The following CNTN4 variants were observed in gnomAD, a reference collection of about 807,000 sequenced individuals.
The protein encoded by CNTN4 is contactin-4.
A neutral mutation model predicts 122.5 loss-of-function variants in CNTN4; 77 were observed. The observed-to-expected ratio is 0.63, with a 90% CI of 0.52 to 0.76. CNTN4 has a LOEUF of 0.76. Among genes scored for constraint, CNTN4 ranks in the 30% least tolerant of loss-of-function variants. The pLI is 0.00. For missense variants in CNTN4, 1,256 were observed against 1,259.1 expected, an observed-to-expected ratio of 1.00 and a Z score of 0.04; for synonymous variants, 512 against 447.0, an observed-to-expected ratio of 1.15 and a Z score of -1.83.
At chr3:2,618,883 G>A (rs2081883898) in intron 4 of CNTN4, among the ~76,000 whole-genome samples, 2 of 152,156 alleles carry the variant, frequency 1.3e-5, no homozygotes, top group Non-Finnish European at 2.9e-5. Flanking sequence ...GGAAGGAGTG[G>A]TAAGTTTGGA....
At chr3:2,678,937 T>G (rs115184013) in intron 4 of CNTN4, among the ~76,000 whole-genome samples, 1,899 of 152,136 alleles carry the variant, frequency 0.012, 49 homozygotes, top group African/African-American at 0.043. Flanking sequence ...ACAGCTGTCA[T>G]TTTAGCTACA....
intron 2 of CNTN4, chr3:2,144,324 C>G (rs1017546496): frequency 1.3e-5 from 2 of 152,168 alleles, no homozygotes; most frequent in Admixed American, 6.5e-5. Flanking sequence ...GTCAGTAAAA[C>G]AAGCGTTTCT....
intron 3 of CNTN4, among the ~76,000 whole-genome samples, chr3:2,361,875 T>C (rs1009721454): frequency 6.6e-6 from 1 of 152,174 alleles, no homozygotes; most frequent in African/African-American, 2.4e-5. Context: ...CCACAGGATC[T>C]GAGACAGATG....
chr3:3,010,421 A>G (rs1697109040), intron 14 of CNTN4, among the ~76,000 whole-genome samples: 1 of 151,476 alleles, frequency 6.6e-6, no homozygotes, highest in African/African-American at 2.4e-5. Flanking sequence ...TTTTAACAGT[A>G]ATACCTCCCA....
At chr3:2,716,218 T>C (rs762124658) in intron 4 of CNTN4, among the ~76,000 whole-genome samples, 1 of 152,144 alleles carries the variant, frequency 6.6e-6, no homozygotes, top group Non-Finnish European at 1.5e-5. Flanking sequence ...ACCAAACATA[T>C]ACTTGTTTAA....
chr3:2,794,115 C>T (rs188369612), intron 6 of CNTN4, among the ~76,000 whole-genome samples: 9 of 152,242 alleles, frequency 5.9e-5, no homozygotes, highest in African/African-American at 1.9e-4. Context: ...TCATTCATCT[C>T]TTTTAATAGT....
At chr3:2,587,656 G>T (rs1469059033) in intron 4 of CNTN4, among the ~76,000 whole-genome samples, 1 of 152,086 alleles carries the variant, frequency 6.6e-6, no homozygotes, top group African/African-American at 2.4e-5. Context: ...CTATGCGCTC[G>T]ATTCAGTTGA....
chr3:2,766,449 C>G (rs1285089418), intron 6 of CNTN4, among the ~76,000 whole-genome samples: 1 of 152,160 alleles, frequency 6.6e-6, no homozygotes, highest in East Asian at 1.9e-4. Flanking sequence ...TCGCAGCAAC[C>G]TGGATGAGAT....
chr3:2,907,084 T>A (rs1471783175), intron 12 of CNTN4, among the ~76,000 whole-genome samples: 2 of 152,168 alleles, frequency 1.3e-5, no homozygotes, highest in African/African-American at 4.8e-5. Flanking sequence ...TATTTAAAGA[T>A]ACATAGAAAT....
chr3:2,739,678 G>C (rs2089342125), intron 5 of CNTN4, among the ~76,000 whole-genome samples: 1 of 152,124 alleles, frequency 6.6e-6, no homozygotes, highest in South Asian at 2.1e-4. Context: ...ACATAAAGCA[G>C]ATCAAAAGGA....
intron 3 of CNTN4, among the ~76,000 whole-genome samples, chr3:2,547,483 C>G (rs542496131): frequency 6.6e-6 from 1 of 152,164 alleles, no homozygotes; most frequent in African/African-American, 2.4e-5. Context: ...CCAGTCTGGT[C>G]TCAAACTCCT....
intron 13 of CNTN4, among the ~76,000 whole-genome samples, chr3:2,965,190 C>A (rs1279797334): frequency 6.6e-6 from 1 of 152,188 alleles, no homozygotes. Context: ...AAAACTTCCT[C>A]CCACATTCTT....
intron 2 of CNTN4, among the ~76,000 whole-genome samples, chr3:2,241,744 A>C (rs2039950833): frequency 2.6e-5 from 4 of 152,104 alleles, no homozygotes; most frequent in Admixed American, 2.6e-4. Context: ...CCCTCCTTTG[A>C]CACAAGTCAT....
intron 2 of CNTN4, among the ~76,000 whole-genome samples, chr3:2,219,888 C>G (rs1430459349): frequency 6.6e-6 from 1 of 152,046 alleles, no homozygotes; most frequent in East Asian, 1.9e-4. Flanking sequence ...TACCATGCTT[C>G]TATTTATTTC....
intron 2 of CNTN4, among the ~76,000 whole-genome samples, chr3:2,301,097 A>G (rs1380686033): frequency 6.6e-6 from 1 of 152,166 alleles, no homozygotes; most frequent in Admixed American, 6.5e-5. Context: ...TGCAGACTGA[A>G]ATATCTCAAT....
intron 4 of CNTN4, among the ~76,000 whole-genome samples, chr3:2,670,864 G>A (rs1258628399): frequency 2.0e-5 from 3 of 152,122 alleles, no homozygotes; most frequent in African/African-American, 7.2e-5. Context: ...GCTTAGTTTG[G>A]CTGGATATGA....
intron 13 of CNTN4, among the ~76,000 whole-genome samples, chr3:2,939,153 A>T (rs1419139757): frequency 6.6e-6 from 1 of 152,218 alleles, no homozygotes; most frequent in Non-Finnish European, 1.5e-5. Context: ...TTTCAGTCAC[A>T]GATATGCCAG....
chr3:3,014,299 G>A (rs9856494), intron 14 of CNTN4, among the ~76,000 whole-genome samples: 21,694 of 152,104 alleles, frequency 0.14, 1,930 homozygotes, highest in African/African-American at 0.26. Context: ...ACTTATCACT[G>A]TGGCAAAACC....
At position 2,376,412 on chromosome 3, in the gene CNTN4, G is replaced by C. The variant is rs114512126; in HGVS notation, c.-89+37179G>C. ...TTATGGTAAGAACCAAGAATTATGG[G>C]AGCACAGAAGGTGGATGACTTTTCC... On this transcript the variant is annotated intron_variant, in intron 3 of 24. Transcript: ENST00000418658. 8.3e-3 allele frequency among the ~76,000 whole-genome samples: 1,258 copies of C among 152,284 alleles called. 16 individuals are homozygous for C. Among genetic ancestry groups the C allele is most frequent in the African/African-American group, 0.029 (1,185 of 41,546 alleles).
Sources: allele counts gnomAD v4.1 joint callset (sites outside exome capture counted in the v4.1 genomes callset), GRCh38; gene constraint gnomAD v4.1.1; transcripts MANE v1.5; gene names NCBI Gene and HGNC (gene_info 2026-07-23, HGNC 2026-07-21).